Variants in NEGR1 observed in about 807,000 individuals in gnomAD.
The protein encoded by NEGR1 is neuronal growth regulator 1.
Under a neutral mutation model 40.9 loss-of-function variants are expected in NEGR1, and 10 were observed. That is an observed-to-expected ratio of 0.24 (90% CI 0.15 to 0.42). The LOEUF (loss-of-function observed/expected upper bound fraction) is 0.42. Ranked by LOEUF, NEGR1 falls within the 10% of genes least tolerant of loss-of-function variation. The pLI, the probability that NEGR1 is intolerant of heterozygous loss-of-function variation, is 1.00. For missense variants in NEGR1, 352 were observed against 438.9 expected, an observed-to-expected ratio of 0.80 and a Z score of 1.77; for synonymous variants, 185 against 166.8, an observed-to-expected ratio of 1.11 and a Z score of -0.84.
chr1:71,972,705 T>A (rs761879841), intron 1 of NEGR1, among the ~76,000 whole-genome samples: 7 of 152,200 alleles, frequency 4.6e-5, no homozygotes, highest in Non-Finnish European at 1.0e-4. Flanking sequence ...TCCCTATTTA[T>A]GCTTGGGATG....
At chr1:71,474,739 CA>C (rs1444920351) in intron 6 of NEGR1, among the ~76,000 whole-genome samples, 14 of 103,824 alleles carry the variant, frequency 1.3e-4, no homozygotes, top group African/African-American at 4.4e-4. Flanking sequence ...AAAAAAAAAA[CA>C]AAAAAACAAA....
chr1:72,009,151 A>T lies in NEGR1; in HGVS notation c.177-73840T>A, dbSNP rs1281644289. Among the ~76,000 whole-genome samples the T allele has an allele frequency of 3.3e-5, 5 of 152,112 alleles. No individual in the cohort carries two copies. In the East Asian group the frequency reaches 9.6e-4, roughly 29 times the overall value. On this transcript the variant is annotated intron_variant, in intron 1 of 6. Coordinates refer to ENST00000357731, the MANE Select transcript of NEGR1 (RefSeq NM_173808.3). The stretch of plus-strand genomic sequence containing the variant: ...TGGATGAAATAATATATTTGTCAAA[A>T]TATTTTATATGATATCATCATGTAG...
At chr1:72,255,411 AATGAATGT>A (rs1655233617) in intron 1 of NEGR1, among the ~76,000 whole-genome samples, 1 of 152,200 alleles carries the variant, frequency 6.6e-6, no homozygotes, top group Non-Finnish European at 1.5e-5. Flanking sequence ...ATATTTACTG[AATGAATGT>A]ATATTCAGAA....
rs1253023875 is a variant in NEGR1, at chr1:71,406,577, G to T, written c.*869C>A. The T allele has an allele frequency of 6.6e-6, 1 of 152,150 alleles. No individual in the cohort carries two copies. Among genetic ancestry groups the T allele is most frequent in the Non-Finnish European group, 1.5e-5 (1 of 67,898 alleles). The allele number at this position is 152,150 out of a possible 1,614,324, so 9.4% of individuals were successfully genotyped here. A position where few individuals can be genotyped will look rare whatever the true frequency, so the allele number is the denominator to read the frequency against. ...GATCTAACATTTAGCTACAACTAAA[G>T]AAATCATATGGTATATTTACTATAC... On this transcript the variant is annotated 3_prime_UTR_variant, in exon 7 of 7. Transcript: ENST00000357731.
chr1:71,713,810 A>G (rs1654183939), intron 3 of NEGR1, among the ~76,000 whole-genome samples: 2 of 152,226 alleles, frequency 1.3e-5, no homozygotes, highest in South Asian at 4.1e-4. Context: ...GGAAGTATAC[A>G]TATAACACAC....
At chr1:71,499,059 C>G (rs532725366) in intron 6 of NEGR1, among the ~76,000 whole-genome samples, 1 of 152,226 alleles carries the variant, frequency 6.6e-6, no homozygotes, top group South Asian at 2.1e-4. Flanking sequence ...CAGAATTCAG[C>G]TTTCTTCATT....
chr1:72,005,637 A>T (rs2100390628), intron 1 of NEGR1, among the ~76,000 whole-genome samples: 1 of 152,250 alleles, frequency 6.6e-6, no homozygotes, highest in African/African-American at 2.4e-5. Flanking sequence ...AGCTCTCCAA[A>T]TCTTGGCAAT....
At chr1:72,085,191 T>A (rs535801798) in intron 1 of NEGR1, among the ~76,000 whole-genome samples, 38 of 152,200 alleles carry the variant, frequency 2.5e-4, no homozygotes, top group Non-Finnish European at 4.4e-4. Context: ...ATGCATGTAA[T>A]GCATAATTAT....
chr1:71,772,820 G>A (rs1015064832), intron 3 of NEGR1, among the ~76,000 whole-genome samples: 1 of 152,106 alleles, frequency 6.6e-6, no homozygotes, highest in Admixed American at 6.5e-5. Context: ...TCTACCCACA[G>A]AGAAATTGAT....
At chr1:71,612,488 C>A (rs963422894) in intron 4 of NEGR1, among the ~76,000 whole-genome samples, 1 of 151,988 alleles carries the variant, frequency 6.6e-6, no homozygotes, top group African/African-American at 2.4e-5. Context: ...CAGTAAATTG[C>A]CCTGACGTGA....
chr1:72,100,929 G>A (rs1648911495), intron 1 of NEGR1: 2 of 151,390 alleles, frequency 1.3e-5, no homozygotes, highest in East Asian at 1.9e-4. Context: ...TCCTCACATG[G>A]CCTTTTCTTC....
At chr1:72,097,681 A>G (rs1222733570) in intron 1 of NEGR1, among the ~76,000 whole-genome samples, 1 of 152,246 alleles carries the variant, frequency 6.6e-6, no homozygotes, top group Non-Finnish European at 1.5e-5. Flanking sequence ...GAAGAATATT[A>G]CATGCTGTGG....
intron 3 of NEGR1, among the ~76,000 whole-genome samples, chr1:71,748,861 T>G (rs966589710): frequency 6.6e-6 from 1 of 152,090 alleles, no homozygotes; most frequent in Non-Finnish European, 1.5e-5. Context: ...TTTCTTATGA[T>G]TCACACAGGA....
At chr1:72,088,165 T>G (rs1195017794) in intron 1 of NEGR1, among the ~76,000 whole-genome samples, 1 of 152,170 alleles carries the variant, frequency 6.6e-6, no homozygotes, top group East Asian at 1.9e-4. Context: ...CTCCTATTAA[T>G]CATCATAGAT....
At chr1:72,051,292 C>T (rs1486085) in intron 1 of NEGR1, among the ~76,000 whole-genome samples, 3,065 of 151,444 alleles carry the variant, frequency 0.02, 91 homozygotes, top group African/African-American at 0.071. Context: ...CATGAGATGA[C>T]GACTTGATAA....
intron 4 of NEGR1, among the ~76,000 whole-genome samples, chr1:71,650,751 A>T (rs1448482556): frequency 1.3e-5 from 2 of 152,152 alleles, no homozygotes; most frequent in African/African-American, 4.8e-5. Flanking sequence ...CTAAAATGGA[A>T]TTGTGATTTT....
intron 1 of NEGR1, among the ~76,000 whole-genome samples, chr1:72,237,589 T>G (rs933190102): frequency 2.0e-5 from 3 of 152,084 alleles, no homozygotes; most frequent in African/African-American, 7.2e-5. Flanking sequence ...CAATTAAATA[T>G]CAAAAATTAA....
At chr1:71,833,363 A>T (rs1658904181) in intron 2 of NEGR1, among the ~76,000 whole-genome samples, 1 of 152,084 alleles carries the variant, frequency 6.6e-6, no homozygotes, top group Non-Finnish European at 1.5e-5. Flanking sequence ...GGGAAATACC[A>T]CTAACTACTA....
chr1:72,127,206 C>T (rs1382010032), intron 1 of NEGR1, among the ~76,000 whole-genome samples: 2 of 152,028 alleles, frequency 1.3e-5, no homozygotes, highest in African/African-American at 4.8e-5. Context: ...GTAATCCGCC[C>T]GTAATCCCGG....
Sources: allele counts gnomAD v4.1 joint callset (sites outside exome capture counted in the v4.1 genomes callset), GRCh38; gene constraint gnomAD v4.1.1; transcripts MANE v1.5; gene names NCBI Gene and HGNC (gene_info 2026-07-23, HGNC 2026-07-21).